The following EYS variants were observed in gnomAD, a reference collection of about 807,000 sequenced individuals.
The protein encoded by EYS is EGF-like photoreceptor maintenance factor.
A neutral mutation model predicts 282.1 loss-of-function variants in EYS; 250 were observed. The observed-to-expected ratio is 0.89, with a 90% CI of 0.80 to 0.98. The LOEUF is 0.98. EYS is among the 50% of genes least tolerant of loss of function. The pLI, the probability that EYS is intolerant of heterozygous loss-of-function variation, is 0.00. For missense variants in EYS, 4,016 were observed against 3,709.0 expected, an observed-to-expected ratio of 1.08 and a Z score of -2.15; for synonymous variants, 1,355 against 1,282.9, an observed-to-expected ratio of 1.06 and a Z score of -1.20.
At chr6:64,729,919 T>C (rs934232028) in intron 22 of EYS, among the ~76,000 whole-genome samples, 3 of 152,196 alleles carry the variant, frequency 2.0e-5, no homozygotes, top group Admixed American at 1.3e-4. Context: ...AGTTTTGTTA[T>C]GCATGTAAAG....
intron 31 of EYS, among the ~76,000 whole-genome samples, chr6:64,108,944 A>G (rs993281781): frequency 6.6e-6 from 1 of 152,086 alleles, no homozygotes; most frequent in Non-Finnish European, 1.5e-5. Flanking sequence ...CCCCTTTTAC[A>G]AAGGAGAAAT....
chr6:65,300,790 G>T (rs749698141), intron 11 of EYS: 2 of 152,168 alleles, frequency 1.3e-5, no homozygotes, highest in Non-Finnish European at 2.9e-5. Context: ...GACAGTCAGG[G>T]GAAGTGGCCT....
At chr6:65,693,032 G>A (rs2149845959) in intron 1 of EYS, among the ~76,000 whole-genome samples, 1 of 150,022 alleles carries the variant, frequency 6.7e-6, no homozygotes, top group East Asian at 2.3e-4. Context: ...ACTTCAAGGT[G>A]AGACAAAGCT....
At chr6:64,656,028 T>C (rs927351735) in intron 22 of EYS, among the ~76,000 whole-genome samples, 1 of 152,166 alleles carries the variant, frequency 6.6e-6, no homozygotes, top group African/African-American at 2.4e-5. Flanking sequence ...GCATCACTTT[T>C]ATGTTTGCTT....
chr6:64,259,743 C>T (rs548593084), intron 30 of EYS, among the ~76,000 whole-genome samples: 4 of 151,876 alleles, frequency 2.6e-5, no homozygotes, highest in Non-Finnish European at 4.4e-5. Flanking sequence ...CTATTGCAAT[C>T]GTCTTGAATT....
intron 35 of EYS, among the ~76,000 whole-genome samples, chr6:63,889,855 G>A (rs1388185330): frequency 6.6e-6 from 1 of 152,044 alleles, no homozygotes; most frequent in Admixed American, 6.6e-5. Context: ...AGACTTCTCA[G>A]TCTGCTGTAT....
At chr6:65,704,065 A>G (rs954675663) in intron 1 of EYS, among the ~76,000 whole-genome samples, 2 of 152,204 alleles carry the variant, frequency 1.3e-5, no homozygotes, top group Non-Finnish European at 2.9e-5. Flanking sequence ...TCTAAGGAGG[A>G]GTAAACGCTG....
chr6:65,431,858 T>C (rs1015063648), intron 5 of EYS, among the ~76,000 whole-genome samples: 7 of 152,202 alleles, frequency 4.6e-5, no homozygotes, highest in Non-Finnish European at 8.8e-5. Context: ...ATGCAATTCA[T>C]CATTCTTTGA....
chr6:64,781,269 C>T (rs1173905147), intron 22 of EYS, among the ~76,000 whole-genome samples: 1 of 151,922 alleles, frequency 6.6e-6, no homozygotes, highest in Non-Finnish European at 1.5e-5. Context: ...GCTAGCCCCA[C>T]CACAGACCTA....
chr6:64,794,377 T>C (rs115932936), intron 22 of EYS, among the ~76,000 whole-genome samples: 6,240 of 152,078 alleles, frequency 0.041, 152 homozygotes, highest in East Asian at 0.072. Flanking sequence ...TGGTGGGAGG[T>C]GACTGAATCA....
chr6:63,734,041 G>T (rs1261646191), intron 41 of EYS, among the ~76,000 whole-genome samples: 1 of 152,132 alleles, frequency 6.6e-6, no homozygotes. Flanking sequence ...ACCAAATACT[G>T]TGTGTTCTCA....
chr6:64,344,513 C>A (rs1207914665), intron 29 of EYS, among the ~76,000 whole-genome samples: 1 of 152,068 alleles, frequency 6.6e-6, no homozygotes, highest in Non-Finnish European at 1.5e-5. Flanking sequence ...AACAACTCTT[C>A]ATGCTAAAAA....
rs754905641 is a variant in EYS at position 63,809,591 on chromosome 6, AAAAT to A, written c.7229-3223_7229-3220del. On this transcript the variant is annotated intron_variant, in intron 36 of 42. Coordinates refer to ENST00000503581, the MANE Select transcript of EYS (RefSeq NM_001142800.2). Reference sequence around the variant, plus strand: ...AAAGGGAGATGCTGGAATTTAAACTAAAATAAATTGTTTAGTGTGTAGAAGAAGA... The same window carrying A: ...AAAGGGAGATGCTGGAATTTAAACTAAAATTGTTTAGTGTGTAGAAGAAGA... Among the ~76,000 whole-genome samples the A allele has an allele frequency of 1.2e-4, 19 of 152,334 alleles. No homozygotes were observed. The East Asian group carries it at 3.3e-3, about 26-fold the overall frequency.
intron 28 of EYS, among the ~76,000 whole-genome samples, chr6:64,390,194 G>C (rs1053167411): frequency 6.6e-6 from 1 of 152,162 alleles, no homozygotes; most frequent in Admixed American, 6.5e-5. Context: ...GCGAGGCTGG[G>C]GGAGGGGTGC....
intron 35 of EYS, among the ~76,000 whole-genome samples, chr6:63,888,470 G>A (rs1773323457): frequency 6.6e-6 from 1 of 152,224 alleles, no homozygotes; most frequent in Non-Finnish European, 1.5e-5. Flanking sequence ...CTGTTCTGCA[G>A]CCTCCATTGG....
In EYS at chr6:64,591,411, A is replaced by G. The variant is rs1312747119; in HGVS notation, c.4456T>C (p.Leu1486=). The part of the protein sequence containing the change: ...SLISRREHWR[L]LSPSMSPIFP... Reference sequence around the variant, plus strand: ...ATGGGAGACATCGAGGGGCTGAGCAATCTCCAGTGCTCTCTTCTTGAAATT... The same window carrying G: ...ATGGGAGACATCGAGGGGCTGAGCAGTCTCCAGTGCTCTCTTCTTGAAATT... Residue 1486 remains leucine (L), a synonymous_variant, in exon 26 of 43, where the codon TTG becomes CTG. Coordinates refer to ENST00000503581, the MANE Select transcript of EYS (RefSeq NM_001142800.2). The G allele has an allele frequency of 1.9e-6, 3 of 1,551,278 alleles. No homozygotes were observed. The highest frequency in any genetic ancestry group is 8.7e-7 in the Non-Finnish European group (1 of 1,146,728).
At position 65,335,206 on chromosome 6, in the gene EYS, AT is replaced by A. The variant is rs145435440; in HGVS notation, c.1600-61del. 2.7e-3 allele frequency: 3,288 copies of A among 1,203,590 alleles called. 69 individuals are homozygous for A. The African/African-American group carries it at 0.042, about 15-fold the overall frequency. The allele number at this position is 1,203,590 out of a possible 1,614,324, so 74.6% of individuals were successfully genotyped here. A position where few individuals can be genotyped will look rare whatever the true frequency, so the allele number is the denominator to read the frequency against. On this transcript the variant is annotated intron_variant, in intron 10 of 42. Transcript: ENST00000503581. ...TCCCATCACTTACTACAATATTACAATTGTGACCTGAGAGATCATGATAGAT... is the reference window on the plus strand; with the variant it reads ...TCCCATCACTTACTACAATATTACAATGTGACCTGAGAGATCATGATAGAT...
intron 36 of EYS, among the ~76,000 whole-genome samples, chr6:63,860,599 C>T (rs1264172914): frequency 6.6e-6 from 1 of 152,224 alleles, no homozygotes; most frequent in Admixed American, 6.5e-5. Context: ...GTTCAATGCC[C>T]TGTGCGCCTT....
intron 26 of EYS, among the ~76,000 whole-genome samples, chr6:64,452,596 T>C (rs977839681): frequency 6.6e-6 from 1 of 152,124 alleles, no homozygotes; most frequent in Non-Finnish European, 1.5e-5. Context: ...TCACACTACC[T>C]GACTTCAAAC....
Sources: allele counts gnomAD v4.1 joint callset (sites outside exome capture counted in the v4.1 genomes callset), GRCh38; gene constraint gnomAD v4.1.1; transcripts MANE v1.5; gene names NCBI Gene and HGNC (gene_info 2026-07-23, HGNC 2026-07-21).